The following NWD2 variants were observed in gnomAD, a reference collection of about 807,000 sequenced individuals.
The protein encoded by NWD2 is NACHT and WD repeat domain containing 2.
In NWD2, 37 loss-of-function variants were observed where a neutral mutation model predicts 132.7. That is an observed-to-expected ratio of 0.28 (90% CI 0.21 to 0.37). The LOEUF is 0.37. Ranked by LOEUF, NWD2 falls within the 10% of genes least tolerant of loss-of-function variation. NWD2 has a pLI of 1.00. For missense variants in NWD2, 1,592 were observed against 2,122.4 expected (o/e 0.75, Z 4.91); for synonymous variants, 705 against 803.0 (o/e 0.88, Z 2.06).
chr4:37,274,356 A>G (rs1047210589), intron 1 of NWD2, among the ~76,000 whole-genome samples: 1 of 152,168 alleles, frequency 6.6e-6, no homozygotes, highest in Non-Finnish European at 1.5e-5. Context: ...TCCTCGACAC[A>G]TACACCCTCC....
intron 3 of NWD2, among the ~76,000 whole-genome samples, chr4:37,365,600 A>G (rs555905261): frequency 3.9e-5 from 6 of 152,344 alleles, no homozygotes; most frequent in Admixed American, 3.9e-4. Flanking sequence ...ACTAGTTATC[A>G]TAGCTCTGAA....
At position 37,395,405 on chromosome 4, in the gene NWD2, A is replaced by G. The variant is rs977670308; in HGVS notation, c.358-35167A>G. Among the ~76,000 whole-genome samples, 2 of 151,476 alleles carry G rather than the reference A, an allele frequency of 1.3e-5. 1 individual carries two copies. ...TTGCTGAATTCCTTCCCACTGGGGA[A>G]GCAATACATCTCAGACAGGTGCTAT... On this transcript the variant is annotated intron_variant, in intron 3 of 6. Coordinates refer to ENST00000309447, the MANE Select transcript of NWD2 (RefSeq NM_001144990.2).
chr4:37,404,523 C>T (rs1328263719), intron 3 of NWD2, among the ~76,000 whole-genome samples: 1 of 152,150 alleles, frequency 6.6e-6, no homozygotes, highest in East Asian at 1.9e-4. Flanking sequence ...GTCTGTGAGC[C>T]CTTACAGACA....
rs534424808 is a variant in NWD2 at position 37,411,173 on chromosome 4, GA to G, written c.358-19393del. 2.6e-3 allele frequency among the ~76,000 whole-genome samples: 396 copies of G among 151,938 alleles called. 4 individuals are homozygous for G. The highest frequency in any genetic ancestry group is 9.1e-3 in the African/African-American group (378 of 41,490). On this transcript the variant is annotated intron_variant, in intron 3 of 6. Transcript: ENST00000309447. Reference sequence around the variant, plus strand: ...GCAGAACTGAAGGAGACAGAGACATGAAAAAACTTTCAAAAAATTCCAGGAG... The same window carrying G: ...GCAGAACTGAAGGAGACAGAGACATGAAAAACTTTCAAAAAATTCCAGGAG...
intron 3 of NWD2, among the ~76,000 whole-genome samples, chr4:37,393,825 T>G (rs976446626): frequency 6.6e-6 from 1 of 152,336 alleles, no homozygotes. Context: ...CTCAGCTCCA[T>G]TGGGCCACTT....
intron 2 of NWD2, among the ~76,000 whole-genome samples, chr4:37,328,194 C>T (rs1401568826): frequency 6.6e-6 from 1 of 152,046 alleles, no homozygotes; most frequent in Non-Finnish European, 1.5e-5. Flanking sequence ...CAGCTGCTTT[C>T]TTATTGTCCC....
At chr4:37,357,933 G>A (rs1471768976) in intron 3 of NWD2, among the ~76,000 whole-genome samples, 4 of 152,084 alleles carry the variant, frequency 2.6e-5, no homozygotes. Context: ...ATTCCAGGAA[G>A]AGGGGTTGGC....
At chr4:37,322,345 G>A (rs1053855565) in intron 1 of NWD2, among the ~76,000 whole-genome samples, 1 of 152,258 alleles carries the variant, frequency 6.6e-6, no homozygotes, top group East Asian at 1.9e-4. Context: ...CTCAGAGAAG[G>A]CCTCTCTGAG....
At chr4:37,349,640 G>A (rs991989852) in intron 2 of NWD2, among the ~76,000 whole-genome samples, 1 of 152,172 alleles carries the variant, frequency 6.6e-6, no homozygotes, top group Non-Finnish European at 1.5e-5. Flanking sequence ...TAGGTTGCCT[G>A]TTCACTCTGA....
intron 3 of NWD2, among the ~76,000 whole-genome samples, chr4:37,404,800 G>A (rs1215385262): frequency 3.3e-5 from 5 of 152,216 alleles, no homozygotes; most frequent in East Asian, 3.8e-4. Context: ...GGAGCAAGAC[G>A]TCTTACAAGG....
intron 3 of NWD2, among the ~76,000 whole-genome samples, chr4:37,370,452 T>C (rs1178776342): frequency 6.6e-6 from 1 of 152,196 alleles, no homozygotes; most frequent in Non-Finnish European, 1.5e-5. Context: ...AAGAGTAAAA[T>C]TATTTTCTTG....
At chr4:37,403,706 A>T (rs1216527264) in intron 3 of NWD2, among the ~76,000 whole-genome samples, 2 of 152,254 alleles carry the variant, frequency 1.3e-5, no homozygotes, top group African/African-American at 4.8e-5. Context: ...TTGTTTCTGC[A>T]TTACATACAC....
At chr4:37,300,246 G>T (rs941260976) in intron 1 of NWD2, among the ~76,000 whole-genome samples, 8 of 152,090 alleles carry the variant, frequency 5.3e-5, no homozygotes, top group Non-Finnish European at 1.2e-4. Flanking sequence ...CATCTTGCCC[G>T]ATTATATCAT....
At chr4:37,264,189 T>A (rs1717703921) in intron 1 of NWD2, among the ~76,000 whole-genome samples, 1 of 152,186 alleles carries the variant, frequency 6.6e-6, no homozygotes, top group Non-Finnish European at 1.5e-5. Flanking sequence ...TGAATTCAGA[T>A]GTAATGGTTT....
intron 3 of NWD2, among the ~76,000 whole-genome samples, chr4:37,428,820 C>A (rs893260355): frequency 2.6e-5 from 4 of 152,228 alleles, no homozygotes; most frequent in African/African-American, 9.6e-5. Flanking sequence ...CAACTTCTGC[C>A]TTCCAGGTTA....
intron 1 of NWD2, among the ~76,000 whole-genome samples, chr4:37,285,356 G>T (rs1258880186): frequency 6.6e-6 from 1 of 152,024 alleles, no homozygotes; most frequent in African/African-American, 2.4e-5. Flanking sequence ...AAACACTGCG[G>T]CTGCCAAAAT....
chr4:37,259,198 C>T (rs567291742), intron 1 of NWD2, among the ~76,000 whole-genome samples: 22 of 152,266 alleles, frequency 1.4e-4, no homozygotes, highest in East Asian at 3.9e-4. Context: ...CCTGAGTCTC[C>T]GTTTTCTCAT....
chr4:37,444,907 C>A lies in NWD2; in HGVS notation c.2919C>A (p.Ile973=). 6.4e-7 allele frequency: 1 copy of A among 1,552,292 alleles called. No individual in the cohort carries two copies. Among genetic ancestry groups the A allele is most frequent in the East Asian group, 2.4e-5 (1 of 40,912 alleles). The change falls in exon 7 of 7, where the codon ATC becomes ATA. Residue 973 remains isoleucine, a synonymous_variant. Transcript: ENST00000309447. The surrounding 1 kb of genome is among the most constrained non-coding windows in gnomAD (Gnocchi z 4.8). ...CCAGTCACCTGCATGTCACAGAGAT[C>A]CTGCCTACCTGTAACCCCAGCACTG... ...LSSSHLHVTE[I]LPTCNPSTVL...
At position 37,444,076 on chromosome 4, in the gene NWD2, A is replaced by T. The variant is rs540187242; in HGVS notation, c.2088A>T (p.Arg696Ser). 1.7e-5 allele frequency: 27 copies of T among 1,551,710 alleles called. No individual in the cohort carries two copies. The East Asian group carries it at 6.1e-4, about 35-fold the overall frequency. ...SVMSELKENTRPSNPLRVPYL... is the reference protein window; with the variant it reads ...SVMSELKENTSPSNPLRVPYL... The stretch of plus-strand genomic sequence containing the variant: ...TGAGTGAGCTCAAAGAAAACACCAG[A>T]CCCAGCAATCCCCTGAGAGTACCTT... Residue 696 changes from arginine to serine, a missense_variant, in exon 7 of 7, where the codon AGA (arginine) becomes AGT (serine). Arg to Ser is a moderately radical substitution (Grantham distance 110). This residue lies in a region of NWD2 where 1,071 missense variants were observed against 1,398.0 expected (regional missense o/e 0.77). Transcript: ENST00000309447. The surrounding 1 kb of genome is among the most constrained non-coding windows in gnomAD (Gnocchi z 4.8).
Sources: gnomAD v4.1 joint callset for allele counts (sites outside exome capture counted in the v4.1 genomes callset) on GRCh38, gnomAD v4.1.1 for gene constraint, gnomAD v4.1.1 regional missense constraint, Gnocchi (gnomAD v3.1) non-coding constraint, MANE v1.5 for transcripts, NCBI Gene and HGNC (gene_info 2026-07-23, HGNC 2026-07-21) for gene names.